The following MATN2 variants were observed in gnomAD, a reference collection of about 807,000 sequenced individuals.
MATN2 encodes matrilin-2.
In MATN2, 69 loss-of-function variants were observed where a neutral mutation model predicts 103.2. The observed-to-expected ratio is 0.67, with a 90% CI of 0.55 to 0.82. The LOEUF is 0.82. Among genes scored for constraint, MATN2 ranks in the 40% least tolerant of loss-of-function variants. The pLI, the probability that MATN2 is intolerant of heterozygous loss-of-function variation, is 0.00. For synonymous variants in MATN2, 429 were observed against 450.2 expected (o/e 0.95, Z 0.60); for missense variants, 1,023 against 1,211.5 (o/e 0.84, Z 2.31).
rs759575487 is a variant in MATN2 at position 97,961,396 on chromosome 8, A to G, written c.836-12A>G. 7.5e-6 allele frequency: 12 copies of G among 1,607,216 alleles called. No individual in the cohort carries two copies. The highest frequency in any genetic ancestry group is 1.7e-5 in the Admixed American group (1 of 59,362). ...CCTGACGTTGTGTTCTAACATCGTGACTTTGCCTCAGTCCAGGATCTGTGT... is the reference window on the plus strand; with the variant it reads ...CCTGACGTTGTGTTCTAACATCGTGGCTTTGCCTCAGTCCAGGATCTGTGT... On this transcript the variant is annotated splice_polypyrimidine_tract_variant and intron_variant, in intron 4 of 18. Transcript: ENST00000254898.
Position 98,033,115 on chromosome 8 carries a change from GT to G in MATN2, c.2658del (p.Phe886LeufsTer37). 3.1e-6 allele frequency: 5 copies of G among 1,611,174 alleles called. No homozygotes were observed. The highest frequency in any genetic ancestry group is 4.2e-6 in the Non-Finnish European group (5 of 1,178,588). ...ATTTTGCAGTGCAACACAGATATCT[GT>G]TTGAAGAAGACAATCTTTTACGGTC... ...SNFAVQHRYL[F>X]EEDNLLRSTQ... On this transcript the variant is annotated frameshift_variant, in exon 17 of 19. Coordinates refer to ENST00000254898, the MANE Select transcript of MATN2 (RefSeq NM_002380.5). LOFTEE classifies it high-confidence loss of function.
At chr8:97,926,530 G>T (rs1236051544) in intron 2 of MATN2, among the ~76,000 whole-genome samples, 2 of 152,186 alleles carry the variant, frequency 1.3e-5, no homozygotes, top group Non-Finnish European at 2.9e-5. Flanking sequence ...TGACCATGGT[G>T]AGCCATGAGG....
chr8:97,938,539 A>G (rs1810454077), intron 3 of MATN2, among the ~76,000 whole-genome samples: 1 of 152,220 alleles, frequency 6.6e-6, no homozygotes, highest in Non-Finnish European at 1.5e-5. Context: ...TGAAAGTGAA[A>G]ACTTGGAAAC....
chr8:97,933,076 T>G (rs920860695), intron 3 of MATN2, among the ~76,000 whole-genome samples: 1 of 152,212 alleles, frequency 6.6e-6, no homozygotes, highest in Non-Finnish European at 1.5e-5. Context: ...TGCTGAGAAC[T>G]AACTTCAAAA....
intron 6 of MATN2, among the ~76,000 whole-genome samples, chr8:97,990,734 A>G (rs954708881): frequency 1.3e-5 from 2 of 152,252 alleles, no homozygotes; most frequent in African/African-American, 2.4e-5. Flanking sequence ...AATACATACT[A>G]TATGATTACA....
At chr8:97,945,732 A>ATATATATATATG (rs1810734399) in intron 4 of MATN2, among the ~76,000 whole-genome samples, 1 of 148,424 alleles carries the variant, frequency 6.7e-6, no homozygotes, top group Admixed American at 6.8e-5. Flanking sequence ...ATATATATAT[A>ATATATATATATG]TATAATCTCC....
chr8:97,996,925 T>G (rs1219189947), intron 7 of MATN2, among the ~76,000 whole-genome samples: 3 of 152,174 alleles, frequency 2.0e-5, no homozygotes, highest in Non-Finnish European at 4.4e-5. Flanking sequence ...AAATCTATTT[T>G]TAAAGGAATT....
At chr8:98,023,971 A>G (rs1390863205) in intron 13 of MATN2, among the ~76,000 whole-genome samples, 2 of 152,228 alleles carry the variant, frequency 1.3e-5, no homozygotes, top group African/African-American at 4.8e-5. Context: ...GTTCTCAGTT[A>G]TAAGTGGGAG....
rs574913428 is a variant in MATN2 at position 97,869,137 on chromosome 8, A to ACAGAGGCAGAGG, written c.-172_-161dup. 2 of 152,360 alleles carry ACAGAGGCAGAGG rather than the reference A, an allele frequency of 1.3e-5. No homozygotes were observed. The highest frequency in any genetic ancestry group is 4.8e-5 in the African/African-American group (2 of 41,428). The allele number at this position is 152,360 out of a possible 1,614,324, so 9.4% of individuals were successfully genotyped here. A position where few individuals can be genotyped will look rare whatever the true frequency, so the allele number is the denominator to read the frequency against. ...CTTGGAGCAAGCGGCGGCGGCGGAG[A>ACAGAGGCAGAGG]CAGAGGCAGAGGCAGAAGCTGGGGC... On this transcript the variant is annotated 5_prime_UTR_variant, in exon 1 of 19. Transcript: ENST00000254898.
chr8:97,881,913 C>CTTTTTTTTTTTTTTTTTTT (rs34704905), intron 1 of MATN2, among the ~76,000 whole-genome samples: 2 of 84,090 alleles, frequency 2.4e-5, no homozygotes, highest in Non-Finnish European at 4.2e-5. Flanking sequence ...TATTACTTAT[C>CTTTTTTTTTTTTTTTTTTT]TTTTTTTTTT....
chr8:97,922,460 G>A lies in MATN2; in HGVS notation c.143-8493G>A, dbSNP rs538897310. Reference sequence around the variant, plus strand: ...AGTCAGACGGTGTCTCATATGATTAGCTAGTTTACCTTTATTCATTTTTTC... The same window carrying A: ...AGTCAGACGGTGTCTCATATGATTAACTAGTTTACCTTTATTCATTTTTTC... On this transcript the variant is annotated intron_variant, in intron 2 of 18. Transcript: ENST00000254898. Among the ~76,000 whole-genome samples the A allele has an allele frequency of 3.9e-5, 6 of 152,262 alleles. No homozygotes were observed. The South Asian group carries it at 1.2e-3, about 32-fold the overall frequency.
At chr8:97,887,490 A>G (rs1818475970) in intron 1 of MATN2, among the ~76,000 whole-genome samples, 2 of 152,184 alleles carry the variant, frequency 1.3e-5, no homozygotes, top group African/African-American at 2.4e-5. Context: ...AGAATTTAGA[A>G]TAGGGCCTGG....
At chr8:98,003,918 C>A in intron 8 of MATN2, 135 bp downstream of exon 8, 1 of 968,638 alleles carries the variant, frequency 1.0e-6, no homozygotes, top group Non-Finnish European at 1.6e-6. Flanking sequence ...CCTTCCTTAT[C>A]CTCAGTTTCA....
At chr8:98,023,679 T>A (rs561112650) in intron 13 of MATN2, among the ~76,000 whole-genome samples, 5 of 151,980 alleles carry the variant, frequency 3.3e-5, no homozygotes, top group East Asian at 3.9e-4. Flanking sequence ...TCAAAAAAAA[T>A]TTTTTTAATA....
chr8:97,978,379 A>AT (rs1382604414), intron 5 of MATN2, among the ~76,000 whole-genome samples: 1 of 152,090 alleles, frequency 6.6e-6, no homozygotes, highest in African/African-American at 2.4e-5. Context: ...ATTTTCTAGG[A>AT]TTTTTTGTTG....
chr8:97,931,540 G>A lies in MATN2; in HGVS notation c.712+18G>A. 6.3e-7 allele frequency: 1 copy of A among 1,578,296 alleles called. No homozygotes were observed. Among genetic ancestry groups the A allele is most frequent in the Non-Finnish European group, 8.6e-7 (1 of 1,164,618 alleles). The stretch of plus-strand genomic sequence containing the variant: ...GTTGTGCAGTAAGTCCTGCTCCTTT[G>A]TCACTCTTCTAGAGGAACCACTAGA... On this transcript the variant is annotated intron_variant, in intron 3 of 18. Transcript: ENST00000254898. This position sits in a 1 kb window ranked among gnomAD's most constrained non-coding sequence, Gnocchi z 4.1.
chr8:97,968,132 A>T (rs1015612957), intron 5 of MATN2, among the ~76,000 whole-genome samples: 9 of 152,222 alleles, frequency 5.9e-5, no homozygotes, highest in African/African-American at 1.9e-4. Context: ...CTGGAGCTGG[A>T]GCAGCCTGGA....
At chr8:97,889,015 T>C (rs1818536176) in intron 2 of MATN2, among the ~76,000 whole-genome samples, 1 of 152,214 alleles carries the variant, frequency 6.6e-6, no homozygotes, top group African/African-American at 2.4e-5. Flanking sequence ...GGAACATTTC[T>C]GAGAAATAAA....
chr8:98,026,240 CT>C (rs1225744671), intron 13 of MATN2, among the ~76,000 whole-genome samples: 2 of 139,702 alleles, frequency 1.4e-5, no homozygotes, highest in Non-Finnish European at 1.6e-5. Context: ...ATGGTGATAA[CT>C]TTTTTTTTAA....
Sources: allele counts gnomAD v4.1 joint callset (sites outside exome capture counted in the v4.1 genomes callset), GRCh38; gene constraint gnomAD v4.1.1; non-coding constraint Gnocchi (gnomAD v3.1); transcripts MANE v1.5; gene names NCBI Gene and HGNC (gene_info 2026-07-23, HGNC 2026-07-21).